MAGEC1: variants seen among roughly 807,000 people sequenced by gnomAD.
The protein encoded by MAGEC1 is MAGE family member C1.
A neutral mutation model predicts 1.5 loss-of-function variants in MAGEC1; 3 were observed. That is an observed-to-expected ratio of 1.97 (90% CI 0.90 to 5.10). The LOEUF is 5.10. MAGEC1 is among the 30% of genes most tolerant of loss of function. MAGEC1 has a pLI of 0.02. For missense variants in MAGEC1, 985 were observed against 803.1 expected, an observed-to-expected ratio of 1.23 and a Z score of -2.74; for synonymous variants, 357 against 310.4, an observed-to-expected ratio of 1.15 and a Z score of -1.58.
rs1926996998 is a variant in MAGEC1, at chrX:141,907,899, G to A, written c.2495G>A (p.Ser832Asn). The A allele has an allele frequency of 8.3e-7, 1 of 1,210,582 alleles. No individual in the cohort carries two copies. The highest frequency in any genetic ancestry group is 1.1e-6 in the Non-Finnish European group (1 of 894,980). ...AGTCTTTCCCAGAGTTCTCCTGTGA[G>A]CTCCTTCCCCTCCTCCACTTCATCG... ...SSSLSQSSPV[S>N]SFPSSTSSSL... is the part of the protein sequence containing the mutation. Residue 832 changes from serine (S) to asparagine (N), a missense_variant, in exon 4 of 4, where the codon AGC becomes AAC. Transcript: ENST00000285879.
chrX:141,905,593 C>T lies in MAGEC1; in HGVS notation c.189C>T (p.Ser63=). 2 of 1,209,960 alleles carry T rather than the reference C, an allele frequency of 1.7e-6. No homozygotes were observed. The highest frequency in any genetic ancestry group is 2.2e-6 in the Non-Finnish European group (2 of 894,713). Residue 63 remains serine, a synonymous_variant, in exon 4 of 4, where the codon TCC becomes TCT. Coordinates refer to ENST00000285879, the MANE Select transcript of MAGEC1 (RefSeq NM_005462.5). ...SPQSRSEGED[S]SDPLQRPPEG... ...AGAGTCGTTCTGAGGGGGAGGACTC[C>T]TCGGATCCTCTCCAGAGACCTCCTG...
chrX:141,905,675 G>T lies in MAGEC1; in HGVS notation c.271G>T (p.Asp91Tyr), dbSNP rs764222406. 8.3e-7 allele frequency: 1 copy of T among 1,210,657 alleles called. No individual in the cohort carries two copies. The highest frequency in any genetic ancestry group is 2.2e-5 in the Admixed American group (1 of 46,003). The change falls in exon 4 of 4, where the codon GAC becomes TAC. Residue 91 changes from aspartate to tyrosine, a missense_variant. Coordinates refer to ENST00000285879, the MANE Select transcript of MAGEC1 (RefSeq NM_005462.5). ...TCCCCAGAGTTCTCCTGAGGGCGAC[G>T]ACACCCAGTCTCCTCTCCAGAATTC... ...QIPQSSPEGD[D>Y]TQSPLQNSQS...
Position 141,905,853 on chromosome X carries a change from GTACTCAAA to G in MAGEC1, c.450_457del (p.Ser150ArgfsTer4). 2.5e-6 allele frequency: 3 copies of G among 1,203,356 alleles called. No homozygotes were observed. Among genetic ancestry groups the G allele is most frequent in the Admixed American group, 2.2e-5 (1 of 45,455 alleles). On this transcript the variant is annotated frameshift_variant, in exon 4 of 4. Coordinates refer to ENST00000285879, the MANE Select transcript of MAGEC1 (RefSeq NM_005462.5). LOFTEE classifies it low-confidence loss of function (END_TRUNC). ...AGTATTTTCCAGAGTTCCCCTGAGA[GTACTCAAA>G]GTCCTTTTGAGGGTTTTCCCCAGTC...
Position 141,905,439 on chromosome X carries a change from C to T in MAGEC1, c.35C>T (p.Pro12Leu), listed in dbSNP as rs776145948. 6.6e-6 allele frequency: 8 copies of T among 1,209,938 alleles called. No homozygotes were observed. The highest frequency in any genetic ancestry group is 5.3e-5 in the South Asian group (3 of 56,747). Residue 12 changes from proline (P) to leucine (L), a missense_variant, in exon 4 of 4, where the codon CCG becomes CTG. Coordinates refer to ENST00000285879, the MANE Select transcript of MAGEC1 (RefSeq NM_005462.5). ...AAGGATATGCCTACTGCTGGGATGC[C>T]GAGTCTTCTCCAGAGTTCCTCTGAG... ...GDKDMPTAGM[P>L]SLLQSSSESP...
Position 141,908,198 on chromosome X carries a change from G to C in MAGEC1, c.2794G>C (p.Ala932Pro), listed in dbSNP as rs750129519. Reference protein sequence around the residue: ...KYQVKQPITKAEMLTNVISRY... With the variant: ...KYQVKQPITKPEMLTNVISRY... The stretch of plus-strand genomic sequence containing the variant: ...TCAAGTGAAGCAGCCTATCACAAAG[G>C]CAGAGATGCTGACGAATGTCATCAG... The change falls in exon 4 of 4, where the codon GCA (alanine) becomes CCA (proline). Residue 932 changes from alanine to proline, a missense_variant. Physicochemically the swap from Ala to Pro is conservative, Grantham distance 27. Coordinates refer to ENST00000285879, the MANE Select transcript of MAGEC1 (RefSeq NM_005462.5). The C allele has an allele frequency of 1.2e-5, 15 of 1,209,997 alleles. No homozygotes were observed. The highest frequency in any genetic ancestry group is 1.7e-5 in the Non-Finnish European group (15 of 895,263).
In MAGEC1 at chrX:141,907,339, T is replaced by C. The variant is rs759035827; in HGVS notation, c.1935T>C (p.Pro645=). ...STPSSLPQSF[P]ESSQSPPEGP... is the part of the protein sequence containing the mutation. ...CATCCAGTCTTCCCCAGAGTTTCCC[T>C]GAGAGTTCTCAGAGTCCTCCTGAGG... The change falls in exon 4 of 4, where the codon CCT becomes CCC. Residue 645 remains proline (P), a synonymous_variant. Transcript: ENST00000285879. 1 of 1,205,922 alleles carries C rather than the reference T, an allele frequency of 8.3e-7. No homozygotes were observed. Among genetic ancestry groups the C allele is most frequent in the South Asian group, 1.8e-5 (1 of 56,653 alleles).
Position 141,908,328 on chromosome X carries a change from T to A in MAGEC1, c.2924T>A (p.Val975Asp). 8.3e-7 allele frequency: 1 copy of A among 1,211,519 alleles called. No homozygotes were observed. The highest frequency in any genetic ancestry group is 1.1e-6 in the Non-Finnish European group (1 of 895,507). ...LREVDPDDSY[V>D]FVNTLDLTSE... The stretch of plus-strand genomic sequence containing the variant: ...GAAGTGGACCCTGATGACTCCTATG[T>A]CTTTGTAAACACATTAGACCTCACC... The change falls in exon 4 of 4, where the codon GTC (valine) becomes GAC (aspartate). Residue 975 changes from valine (V) to aspartate (D), a missense_variant. Val to Asp is a radical substitution (Grantham distance 152). Coordinates refer to ENST00000285879, the MANE Select transcript of MAGEC1 (RefSeq NM_005462.5).
In MAGEC1 at chrX:141,905,799, C is replaced by G. The variant is rs758492184; in HGVS notation, c.395C>G (p.Ala132Gly). ...EDVQSPLQNPASSFFSSALLS... is the reference protein window; with the variant it reads ...EDVQSPLQNPGSSFFSSALLS... ...GTCCAGTCTCCTCTGCAGAATCCTG[C>G]GAGTTCCTTCTTCTCCTCTGCTTTA... is the stretch of plus-strand genomic sequence containing the variant. The change falls in exon 4 of 4, where the codon GCG becomes GGG. Residue 132 changes from alanine (A) to glycine (G), a missense_variant. By Grantham distance (60) the Ala-to-Gly change is moderately conservative. Transcript: ENST00000285879. 2.5e-6 allele frequency: 3 copies of G among 1,212,131 alleles called. No individual in the cohort carries two copies.
chrX:141,906,935 C>A lies in MAGEC1; in HGVS notation c.1531C>A (p.Gln511Lys), dbSNP rs888074935. 1.2e-5 allele frequency: 15 copies of A among 1,210,811 alleles called. No individual in the cohort carries two copies. Among genetic ancestry groups the A allele is most frequent in the Admixed American group, 2.2e-5 (1 of 45,971 alleles). Residue 511 changes from glutamine (Q) to lysine (K), a missense_variant, in exon 4 of 4, where the codon CAG becomes AAG. Gln to Lys is a moderately conservative substitution (Grantham distance 53). Transcript: ENST00000285879. ...TCAAAGTACTTTTGAGGGTTTTCCCCAGTCTCCTCTCCAGATTCCTCAGAG... is the reference window on the plus strand; with the variant it reads ...TCAAAGTACTTTTGAGGGTTTTCCCAAGTCTCCTCTCCAGATTCCTCAGAG... ...CTQSTFEGFP[Q>K]SPLQIPQSPP...
At position 141,905,909 on chromosome X, in the gene MAGEC1, G is replaced by A. The variant is rs76429235; in HGVS notation, c.505G>A (p.Ala169Thr). 52 of 1,143,056 alleles carry A rather than the reference G, an allele frequency of 4.5e-5. 1 individual carries two copies. Among genetic ancestry groups the A allele is most frequent in the East Asian group, 4.2e-4 (13 of 30,851 alleles). 94.2% of individuals were successfully genotyped at this position (1,143,056 alleles called of 1,213,427 possible). A position where few individuals can be genotyped will look rare whatever the true frequency, so the allele number is the denominator to read the frequency against. Reference sequence around the variant, plus strand: ...GTCTGTTCTCCAGATTCCTGTGAGCGCCGCCTCCTCCTCCACTTTAGTGAG... The same window carrying A: ...GTCTGTTCTCCAGATTCCTGTGAGCACCGCCTCCTCCTCCACTTTAGTGAG... ...PQSVLQIPVS[A>T]ASSSTLVSIF... The change falls in exon 4 of 4, where the codon GCC becomes ACC. Residue 169 changes from alanine (A) to threonine (T), a missense_variant. Ala to Thr is a moderately conservative substitution (Grantham distance 58). Transcript: ENST00000285879.
Position 141,904,708 on chromosome X carries a change from C to G in MAGEC1, c.-201-9C>G. 1 of 237,393 alleles carries G rather than the reference C, an allele frequency of 4.2e-6. No homozygotes were observed. The highest frequency in any genetic ancestry group is 7.6e-6 in the Non-Finnish European group (1 of 130,896). The allele number at this position is 237,393 out of a possible 1,213,427, so 19.6% of individuals were successfully genotyped here. A position where few individuals can be genotyped will look rare whatever the true frequency, so the allele number is the denominator to read the frequency against. ...TTAGCTGGAGGGGCTCCCTCCCTTCCTCTTGCAGGTGCTCCAGAAAGCAGG... is the reference window on the plus strand; with the variant it reads ...TTAGCTGGAGGGGCTCCCTCCCTTCGTCTTGCAGGTGCTCCAGAAAGCAGG... On this transcript the variant is annotated splice_polypyrimidine_tract_variant and intron_variant, in intron 1 of 3. Coordinates refer to ENST00000285879, the MANE Select transcript of MAGEC1 (RefSeq NM_005462.5).
rs766517127 is a variant in MAGEC1 at position 141,905,466 on chromosome X, G to T, written c.62G>T (p.Ser21Ile). The change falls in exon 4 of 4, where the codon AGT becomes ATT. Residue 21 changes from serine to isoleucine, a missense_variant. By Grantham distance (142) the Ser-to-Ile change is moderately radical (BLOSUM62 -2). Coordinates refer to ENST00000285879, the MANE Select transcript of MAGEC1 (RefSeq NM_005462.5). ...AGTCTTCTCCAGAGTTCCTCTGAGA[G>T]TCCTCAGAGTTGTCCTGAGGGGGAG... Reference protein sequence around the residue: ...MPSLLQSSSESPQSCPEGEDS... With the variant: ...MPSLLQSSSEIPQSCPEGEDS... 16 of 1,211,285 alleles carry T rather than the reference G, an allele frequency of 1.3e-5. No homozygotes were observed. The highest frequency in any genetic ancestry group is 1.6e-5 in the Non-Finnish European group (14 of 894,761).
intron 3 of MAGEC1, 75 bp downstream of exon 3, chrX:141,905,151 G>T (rs369123676): frequency 1.8e-6 from 2 of 1,138,848 alleles, no homozygotes; most frequent in East Asian, 3.0e-5. Flanking sequence ...ATACCTATTC[G>T]TGTTCACACG....
Position 141,906,369 on chromosome X carries a change from C to T in MAGEC1, c.965C>T (p.Ser322Phe), listed in dbSNP as rs56913270. 2.5e-5 allele frequency: 28 copies of T among 1,119,696 alleles called. No homozygotes were observed. Among genetic ancestry groups the T allele is most frequent in the East Asian group, 9.3e-5 (3 of 32,275 alleles). The allele number at this position is 1,119,696 out of a possible 1,213,427, so 92.3% of individuals were successfully genotyped here. ...SSTLLSLFQS[S>F]PERTHSTFEG... ...ACTTTATTGAGTCTTTTCCAGAGTT[C>T]CCCTGAGAGAACTCACAGTACTTTT... The change falls in exon 4 of 4, where the codon TCC becomes TTC. Residue 322 changes from serine (S) to phenylalanine (F), a missense_variant. Ser to Phe is a radical substitution (Grantham distance 155). Coordinates refer to ENST00000285879, the MANE Select transcript of MAGEC1 (RefSeq NM_005462.5).
rs147008563 is a variant in MAGEC1, at chrX:141,908,216, G to A, written c.2812G>A (p.Val938Ile). ...PITKAEMLTN[V>I]ISRYTGYFPV... ...CACAAAGGCAGAGATGCTGACGAAT[G>A]TCATCAGCAGGTACACGGGCTACTT... Residue 938 changes from valine (V) to isoleucine (I), a missense_variant, in exon 4 of 4, where the codon GTC (valine) becomes ATC (isoleucine). By Grantham distance (29) the Val-to-Ile change is conservative. Coordinates refer to ENST00000285879, the MANE Select transcript of MAGEC1 (RefSeq NM_005462.5). The A allele has an allele frequency of 8.3e-7, 1 of 1,209,763 alleles. No individual in the cohort carries two copies. Among genetic ancestry groups the A allele is most frequent in the African/African-American group, 1.8e-5 (1 of 57,073 alleles).
At position 141,908,155 on chromosome X, in the gene MAGEC1, G is replaced by C; in HGVS notation, c.2751G>C (p.Arg917=). The C allele has an allele frequency of 8.3e-7, 1 of 1,211,847 alleles. No homozygotes were observed. The highest frequency in any genetic ancestry group is 1.1e-6 in the Non-Finnish European group (1 of 895,574). ...TLDEKVDELA[R]FLLLKYQVKQ... Reference sequence around the variant, plus strand: ...ATGAAAAGGTGGACGAGTTGGCGCGGTTTCTTCTCCTCAAATATCAAGTGA... The same window carrying C: ...ATGAAAAGGTGGACGAGTTGGCGCGCTTTCTTCTCCTCAAATATCAAGTGA... The change falls in exon 4 of 4, where the codon CGG becomes CGC. Residue 917 remains arginine (R), a synonymous_variant. Coordinates refer to ENST00000285879, the MANE Select transcript of MAGEC1 (RefSeq NM_005462.5).
Position 141,908,684 on chromosome X carries a change from A to G in MAGEC1, c.3280A>G (p.Thr1094Ala), listed in dbSNP as rs1218051888. The change falls in exon 4 of 4, where the codon ACC becomes GCC. Residue 1094 changes from threonine to alanine, a missense_variant. By Grantham distance (58) the Thr-to-Ala change is moderately conservative (BLOSUM62 0). Transcript: ENST00000285879. The part of the protein sequence containing the change: ...VVEFLAMLKN[T>A]VPITFPSSYK... ...AGAGTTTTTGGCCATGCTAAAGAAT[A>G]CCGTCCCTATTACCTTTCCATCCTC... is the stretch of plus-strand genomic sequence containing the variant. 2 of 1,211,752 alleles carry G rather than the reference A, an allele frequency of 1.7e-6. No homozygotes were observed. Among genetic ancestry groups the G allele is most frequent in the Admixed American group, 2.2e-5 (1 of 46,064 alleles).
intron 1 of MAGEC1, 48 bp from the exon 2 acceptor site, chrX:141,904,669 C>T (rs900846209): frequency 1.1e-5 from 2 of 188,818 alleles, no homozygotes; most frequent in Non-Finnish European, 2.0e-5. Flanking sequence ...GTCTGGCCAG[C>T]CCCAGCTGCC....
In MAGEC1 at chrX:141,908,033, G is replaced by A. The variant is rs1368273505; in HGVS notation, c.2629G>A (p.Glu877Lys). 2 of 1,210,433 alleles carry A rather than the reference G, an allele frequency of 1.7e-6. No individual in the cohort carries two copies. Among genetic ancestry groups the A allele is most frequent in the East Asian group, 5.9e-5 (2 of 33,756 alleles). ...TGAAGAGTCCAGCAGCCCAGTAGAT[G>A]AATATACAAGTTCCTCAGACACCTT... is the stretch of plus-strand genomic sequence containing the variant. ...FSEESSSPVD[E>K]YTSSSDTLLE... The change falls in exon 4 of 4, where the codon GAA (glutamate) becomes AAA (lysine). Residue 877 changes from glutamate to lysine, a missense_variant. Coordinates refer to ENST00000285879, the MANE Select transcript of MAGEC1 (RefSeq NM_005462.5).
Sources: allele counts gnomAD v4.1 joint callset, GRCh38; gene constraint gnomAD v4.1.1; transcripts MANE v1.5; gene names NCBI Gene and HGNC (gene_info 2026-07-23, HGNC 2026-07-21).